The following BACE2 variants were observed in gnomAD, a reference collection of about 807,000 sequenced individuals.
BACE2 encodes the protein beta-secretase 2, also known as 56 kDa aspartic-like protease.
Under a neutral mutation model 46.2 loss-of-function variants are expected in BACE2, and 17 were observed. The ratio of observed to expected loss-of-function variants is 0.37; its 90% confidence interval spans 0.25 to 0.55. The LOEUF (loss-of-function observed/expected upper bound fraction) is 0.55. BACE2 is among the 20% of genes least tolerant of loss of function. BACE2 has a pLI of 0.82. For synonymous variants in BACE2, 277 were observed against 295.9 expected, an observed-to-expected ratio of 0.94 and a Z score of 0.66; for missense variants, 595 against 698.1, an observed-to-expected ratio of 0.85 and a Z score of 1.66.
chr21:41,179,760 T>G, intron 1 of BACE2: 1 of 856,654 alleles, frequency 1.2e-6, no homozygotes, highest in South Asian at 1.6e-5. Flanking sequence ...TGGTGTGGGG[T>G]GGGGTGGAGA....
chr21:41,174,333 G>T (rs1218480084), intron 1 of BACE2, among the ~76,000 whole-genome samples: 1 of 151,612 alleles, frequency 6.6e-6, no homozygotes, highest in Non-Finnish European at 1.5e-5. Flanking sequence ...AGTAGAGACG[G>T]GGTTTCACCA....
rs1413885505 is a variant in BACE2 at position 41,277,980 on chromosome 21, GAATCGGACTTCC to G, written c.*2358_*2369del. On this transcript the variant is annotated 3_prime_UTR_variant, in exon 9 of 9. Coordinates refer to ENST00000330333, the MANE Select transcript of BACE2 (RefSeq NM_012105.5). ...TTTTTCTGGCATGTCTTGCTGCTGAGAATCGGACTTCCAGTCAAAACCCTGTTAGTGACACCC... is the reference window on the plus strand; with the variant it reads ...TTTTTCTGGCATGTCTTGCTGCTGAGAGTCAAAACCCTGTTAGTGACACCC... 1 of 152,244 alleles carries G rather than the reference GAATCGGACTTCC, an allele frequency of 6.6e-6. No individual in the cohort carries two copies. The highest frequency in any genetic ancestry group is 1.5e-5 in the Non-Finnish European group (1 of 68,056). The allele number at this position is 152,244 out of a possible 1,614,324, so 9.4% of individuals were successfully genotyped here.
intron 1 of BACE2, among the ~76,000 whole-genome samples, chr21:41,192,644 A>G (rs1333680573): frequency 6.6e-6 from 1 of 152,208 alleles, no homozygotes; most frequent in African/African-American, 2.4e-5. Flanking sequence ...TCCAATCAGC[A>G]TCCCTATCTG....
chr21:41,272,776 C>A (rs1406339292), intron 8 of BACE2, among the ~76,000 whole-genome samples: 4 of 152,084 alleles, frequency 2.6e-5, no homozygotes, highest in African/African-American at 9.7e-5. Flanking sequence ...TACTAAGTTC[C>A]AATTGATTGA....
chr21:41,222,790 G>T (rs568078304), intron 1 of BACE2, among the ~76,000 whole-genome samples: 1 of 152,214 alleles, frequency 6.6e-6, no homozygotes, highest in African/African-American at 2.4e-5. Flanking sequence ...GGGGTGGGCC[G>T]GTGTGGGCCA....
chr21:41,216,968 G>A (rs776118930), intron 1 of BACE2, among the ~76,000 whole-genome samples: 1 of 152,148 alleles, frequency 6.6e-6, no homozygotes, highest in Non-Finnish European at 1.5e-5. Flanking sequence ...GTCTCGCTCT[G>A]TCACCCAGGC....
intron 8 of BACE2, among the ~76,000 whole-genome samples, chr21:41,269,059 A>T (rs1241371621): frequency 1.3e-5 from 2 of 151,758 alleles, no homozygotes; most frequent in African/African-American, 2.4e-5. Flanking sequence ...GGTTCAAGGG[A>T]TTCTCCTGCC....
chr21:41,231,406 C>T (rs548388698), intron 2 of BACE2, among the ~76,000 whole-genome samples: 16 of 152,260 alleles, frequency 1.1e-4, no homozygotes, highest in Non-Finnish European at 1.0e-4. Context: ...CCCTGAGAGC[C>T]CCAGGGAAGT....
chr21:41,169,874 G>C (rs1411547815), intron 1 of BACE2, among the ~76,000 whole-genome samples: 1 of 152,186 alleles, frequency 6.6e-6, no homozygotes, highest in African/African-American at 2.4e-5. Flanking sequence ...TAGAGGGAGG[G>C]AATAGGAATC....
At chr21:41,257,899 T>C (rs571984761) in intron 8 of BACE2, among the ~76,000 whole-genome samples, 22 of 152,242 alleles carry the variant, frequency 1.4e-4, no homozygotes, top group South Asian at 2.1e-4. Flanking sequence ...GTCAAGAGGA[T>C]AGATAAACCC....
rs576208553 is a variant in BACE2, at chr21:41,173,588, A to T, written c.312+5013A>T. 1.8e-4 allele frequency among the ~76,000 whole-genome samples: 28 copies of T among 152,238 alleles called. 1 individual carries two copies. The highest frequency in any genetic ancestry group is 1.4e-3 in the Admixed American group (21 of 15,308). On this transcript the variant is annotated intron_variant, in intron 1 of 8. Coordinates refer to ENST00000330333, the MANE Select transcript of BACE2 (RefSeq NM_012105.5). ...TGGTGAAACCCCATCTCTACTAAAA[A>T]TATGAAAATTAGCCAGGCATGGTGG...
intron 8 of BACE2, among the ~76,000 whole-genome samples, chr21:41,266,459 A>G (rs1031049995): frequency 5.3e-5 from 8 of 152,226 alleles, no homozygotes; most frequent in African/African-American, 1.7e-4. Flanking sequence ...TGTTGCTGTA[A>G]AGCAATTTTG....
chr21:41,222,383 G>A (rs979748257), intron 1 of BACE2, among the ~76,000 whole-genome samples: 1 of 152,212 alleles, frequency 6.6e-6, no homozygotes, highest in Non-Finnish European at 1.5e-5. Context: ...AGGTGGCGTT[G>A]AAGGAAGCCT....
In BACE2 at chr21:41,193,687, T is replaced by A. The variant is rs1985649224; in HGVS notation, c.312+25112T>A. Among the ~76,000 whole-genome samples the A allele has an allele frequency of 6.6e-6, 1 of 152,224 alleles. No homozygotes were observed. Among genetic ancestry groups the A allele is most frequent in the Non-Finnish European group, 1.5e-5 (1 of 68,038 alleles). On this transcript the variant is annotated intron_variant, in intron 1 of 8. Transcript: ENST00000330333. The surrounding 1 kb of genome is among the most constrained non-coding windows in gnomAD (Gnocchi z 4.2). ...TTCTGCCTGCTACTAAGCATATCTA[T>A]GCCAATTATGCATTCTGGCACTGGG...
rs558093200 is a variant in BACE2 at position 41,261,801 on chromosome 21, AT to A, written c.1303+4482del. Among the ~76,000 whole-genome samples, 169 of 152,048 alleles carry A rather than the reference AT, an allele frequency of 1.1e-3. 1 individual carries two copies. Among genetic ancestry groups the A allele is most frequent in the African/African-American group, 3.8e-3 (158 of 41,518 alleles). On this transcript the variant is annotated intron_variant, in intron 8 of 8. Transcript: ENST00000330333. Reference sequence around the variant, plus strand: ...AATGTTTTCCCCTCTGATTTTTCCAATTTTTTTATTTAAAAAATTTATATAC... The same window carrying A: ...AATGTTTTCCCCTCTGATTTTTCCAATTTTTTATTTAAAAAATTTATATAC...
intron 1 of BACE2, chr21:41,183,241 T>A (rs1985212276): frequency 6.0e-6 from 1 of 166,266 alleles, no homozygotes; most frequent in African/African-American, 2.4e-5. Flanking sequence ...TTTTAAAGCC[T>A]ATGAACATCA....
At chr21:41,188,360 T>C (rs2123508772) in intron 1 of BACE2, among the ~76,000 whole-genome samples, 1 of 152,326 alleles carries the variant, frequency 6.6e-6, no homozygotes, top group African/African-American at 2.4e-5. Context: ...AATATTTGTG[T>C]TCAGGCCTAG....
intron 2 of BACE2, among the ~76,000 whole-genome samples, chr21:41,234,415 A>G (rs1314910721): frequency 6.6e-6 from 1 of 152,228 alleles, no homozygotes; most frequent in Non-Finnish European, 1.5e-5. Context: ...TGTTTTAGTA[A>G]ATAAAGTTCT....
At chr21:41,262,656 T>C (rs958686628) in intron 8 of BACE2, among the ~76,000 whole-genome samples, 1 of 152,156 alleles carries the variant, frequency 6.6e-6, no homozygotes, top group Admixed American at 6.5e-5. Flanking sequence ...ATGTACCAGA[T>C]CTTTTCATTT....
Sources: gnomAD v4.1 joint callset for allele counts (sites outside exome capture counted in the v4.1 genomes callset) on GRCh38, gnomAD v4.1.1 for gene constraint, Gnocchi (gnomAD v3.1) non-coding constraint, MANE v1.5 for transcripts, NCBI Gene and HGNC (gene_info 2026-07-23, HGNC 2026-07-21) for gene names.